The following NPL variants were observed in gnomAD, a reference collection of about 807,000 sequenced individuals.
NPL encodes the protein N-acetylneuraminate pyruvate lyase.
In NPL, 32 loss-of-function variants were observed where a neutral mutation model predicts 41.1. The ratio of observed to expected loss-of-function variants is 0.78; its 90% CI spans 0.59 to 1.05. The LOEUF is 1.05. Among genes scored for constraint, NPL ranks in the 50% least tolerant of loss-of-function variants. The pLI is 0.00. For missense variants in NPL, 321 were observed against 378.4 expected (o/e 0.85, Z 1.26); for synonymous variants, 128 against 134.9 (o/e 0.95, Z 0.35).
In NPL at chr1:182,806,157, C is replaced by T. The variant is rs1175809360; in HGVS notation, c.155C>T (p.Thr52Ile). ...GVKNIFVNGT[T>I]GEGLSLSVSE... ...TTTGTTTGAACAGTGAATGGCACAA[C>T]AGGAGAAGGCCTGTCCCTGAGCGTC... The change falls in exon 5 of 13, where the codon ACA (threonine) becomes ATA (isoleucine). Residue 52 changes from threonine (T) to isoleucine (I), a missense_variant. Physicochemically the swap from Thr to Ile is moderately conservative, Grantham distance 89. Transcript: ENST00000367553. The T allele has an allele frequency of 1.2e-6, 2 of 1,614,204 alleles. No homozygotes were observed. The highest frequency in any genetic ancestry group is 1.7e-6 in the Non-Finnish European group (2 of 1,180,050).
intron 1 of NPL, among the ~76,000 whole-genome samples, chr1:182,790,976 G>A (rs916457545): frequency 7.2e-5 from 11 of 152,102 alleles, no homozygotes; most frequent in Non-Finnish European, 1.6e-4. Context: ...TCCTGTAGGC[G>A]TTTCAAAGTT....
rs898044359 is a variant in NPL, at chr1:182,829,676, C to T, written c.*768C>T. The T allele has an allele frequency of 6.0e-5, 91 of 1,518,464 alleles. No homozygotes were observed. In the Admixed American group the frequency reaches 1.7e-3, roughly 29 times the overall value. The allele number at this position is 1,518,464 out of a possible 1,614,324, so 94.1% of individuals were successfully genotyped here. ...GCACCACAAACTTCCCCTTCCTCCA[C>T]TGAGAAGACTGTCTCTCCCGCAGGA... On this transcript the variant is annotated 3_prime_UTR_variant, in exon 13 of 13. Coordinates refer to ENST00000367553, the MANE Select transcript of NPL (RefSeq NM_030769.3).
At chr1:182,821,057 T>C (rs1006311562) in intron 10 of NPL, among the ~76,000 whole-genome samples, 5 of 152,312 alleles carry the variant, frequency 3.3e-5, no homozygotes, top group East Asian at 1.9e-4. Flanking sequence ...CCTAAGACCA[T>C]TGGGATTCAA....
chr1:182,822,163 T>G lies in NPL; in HGVS notation c.702T>G (p.Phe234Leu). 6.2e-7 allele frequency: 1 copy of G among 1,613,810 alleles called. No individual in the cohort carries two copies. The highest frequency in any genetic ancestry group is 8.5e-7 in the Non-Finnish European group (1 of 1,179,664). Residue 234 changes from phenylalanine (F) to leucine (L), a missense_variant, in exon 11 of 13, where the codon TTT becomes TTG. Physicochemically the swap from Phe to Leu is conservative, Grantham distance 22 (BLOSUM62 0). Transcript: ENST00000367553. ...AGACAAACCAGATGTTGGAGGCTTT[T>G]GAACAAAAGGACTTCTCTTTAGCCC... Reference protein sequence around the residue: ...GKKTNQMLEAFEQKDFSLALN... With the variant: ...GKKTNQMLEALEQKDFSLALN...
chr1:182,791,000 A>G (rs1273730696), intron 1 of NPL, among the ~76,000 whole-genome samples: 1 of 152,160 alleles, frequency 6.6e-6, no homozygotes, highest in Non-Finnish European at 1.5e-5. Flanking sequence ...AAAGGCAGCA[A>G]ACTTTTACGT....
chr1:182,801,252 G>T (rs1457252730), intron 3 of NPL, among the ~76,000 whole-genome samples: 1 of 152,074 alleles, frequency 6.6e-6, no homozygotes, highest in Non-Finnish European at 1.5e-5. Flanking sequence ...GTAGGTTAGG[G>T]GCATTTTATA....
intron 9 of NPL, 35 bp from the exon 10 acceptor site, chr1:182,818,778 T>G (rs745415860): frequency 6.2e-7 from 1 of 1,613,974 alleles, no homozygotes; most frequent in Admixed American, 1.7e-5. Context: ...TCTTTCTCTT[T>G]TTTATACAAG....
intron 1 of NPL, among the ~76,000 whole-genome samples, chr1:182,790,801 G>A (rs3828156): frequency 0.012 from 1,755 of 152,228 alleles, 16 homozygotes; most frequent in South Asian, 0.056. Context: ...CCGCCACCAC[G>A]CCCGGCTAAT....
chr1:182,802,522 T>G (rs1666879247), intron 3 of NPL, among the ~76,000 whole-genome samples: 1 of 152,208 alleles, frequency 6.6e-6, no homozygotes, highest in Admixed American at 6.5e-5. Flanking sequence ...GTGAAAAGAA[T>G]GTTAATAAGG....
intron 4 of NPL, 89 bp from the exon 5 acceptor site, chr1:182,806,056 C>G (rs991866770): frequency 4.1e-6 from 6 of 1,463,718 alleles, no homozygotes; most frequent in Non-Finnish European, 5.7e-6. Context: ...ATCCTCAGTG[C>G]AGTGGTTTCT....
intron 11 of NPL, among the ~76,000 whole-genome samples, chr1:182,823,478 C>T (rs768692923): frequency 3.4e-4 from 51 of 152,140 alleles, no homozygotes; most frequent in Non-Finnish European, 4.9e-4. Flanking sequence ...TCGCCTTTGT[C>T]CTCAGACCAA....
chr1:182,798,906 A>T (rs992331008), intron 3 of NPL, among the ~76,000 whole-genome samples: 18 of 152,264 alleles, frequency 1.2e-4, no homozygotes, highest in African/African-American at 4.3e-4. Context: ...TTTTGCCAAG[A>T]GTGCATATAA....
In NPL at chr1:182,816,765, C is replaced by G. The variant is rs1667344973; in HGVS notation, c.416C>G (p.Pro139Arg). ...KEVAAAAPAL[P>R]FYYYHIPALT... ...GTGGCTGCTGCCGCCCCTGCCCTGC[C>G]ATTTTATTACTATCACATTCCTGCC... Residue 139 changes from proline to arginine, a missense_variant, in exon 8 of 13, where the codon CCA becomes CGA. Physicochemically the swap from Pro to Arg is moderately radical, Grantham distance 103. Coordinates refer to ENST00000367553, the MANE Select transcript of NPL (RefSeq NM_030769.3). 1 of 1,613,696 alleles carries G rather than the reference C, an allele frequency of 6.2e-7. No homozygotes were observed. Among genetic ancestry groups the G allele is most frequent in the Non-Finnish European group, 8.5e-7 (1 of 1,179,828 alleles).
At chr1:182,805,761 G>T (rs763565144) in intron 4 of NPL, among the ~76,000 whole-genome samples, 2 of 152,100 alleles carry the variant, frequency 1.3e-5, no homozygotes, top group Non-Finnish European at 2.9e-5. Context: ...AAAAGCACCC[G>T]CATGAGTAAC....
rs1666930153 is a variant in NPL at position 182,803,927 on chromosome 1, A to G, written c.142+156A>G. Among the ~76,000 whole-genome samples the G allele has an allele frequency of 2.0e-5, 3 of 152,202 alleles. No homozygotes were observed. In the South Asian group the frequency reaches 6.2e-4, roughly 32 times the overall value. On this transcript the variant is annotated intron_variant, in intron 4 of 12. Transcript: ENST00000367553. ...CTAAAATTTGTGAATTTGTAGGCCC[A>G]CCAATCTTAGACCTACAAAGCACCT... is the stretch of plus-strand genomic sequence containing the variant.
At chr1:182,827,783 G>GCTGCTGCTTTTCCTC (rs1276195739) in intron 12 of NPL, among the ~76,000 whole-genome samples, 3 of 152,074 alleles carry the variant, frequency 2.0e-5, no homozygotes, top group African/African-American at 7.2e-5. Context: ...TGGTTCTCCT[G>GCTGCTGCTTTTCCTC]CTGCTGCTTT....
chr1:182,804,931 G>A (rs1375547390), intron 4 of NPL, among the ~76,000 whole-genome samples: 1 of 152,150 alleles, frequency 6.6e-6, no homozygotes, highest in East Asian at 1.9e-4. Flanking sequence ...GAAAAAGCAG[G>A]AATATCCCTA....
chr1:182,791,141 T>TG (rs1666504759), intron 1 of NPL: 1 of 152,140 alleles, frequency 6.6e-6, no homozygotes, highest in Admixed American at 6.5e-5. Context: ...AGCCACTGTT[T>TG]GGGGGAATTC....
chr1:182,806,930 C>T (rs554774730), intron 5 of NPL, among the ~76,000 whole-genome samples: 12 of 152,268 alleles, frequency 7.9e-5, no homozygotes, highest in African/African-American at 2.6e-4. Flanking sequence ...CCTCTGCCTC[C>T]GGGGTTCAAG....
Sources: allele counts gnomAD v4.1 joint callset (sites outside exome capture counted in the v4.1 genomes callset), GRCh38; gene constraint gnomAD v4.1.1; transcripts MANE v1.5; gene names NCBI Gene and HGNC (gene_info 2026-07-23, HGNC 2026-07-21).